Variants in RAMP1 observed in about 807,000 individuals in gnomAD.
RAMP1 encodes the protein receptor activity-modifying protein 1.
Under a neutral mutation model 8.2 loss-of-function variants are expected in RAMP1, and 7 were observed. The ratio of observed to expected loss-of-function variants is 0.85; its 90% CI spans 0.49 to 1.60. The LOEUF (loss-of-function observed/expected upper bound fraction) is 1.60, where lower values mean the gene tolerates loss of function less well. RAMP1 is among the 40% of genes most tolerant of loss of function. The pLI is 0.00. For missense variants in RAMP1, 192 were observed against 202.4 expected, an observed-to-expected ratio of 0.95 and a Z score of 0.31; for synonymous variants, 92 against 84.7, an observed-to-expected ratio of 1.09 and a Z score of -0.47.
rs1182417592 is a variant in RAMP1, at chr2:237,865,276, G to GGGAGGGGAGAGCAGGGGAGAGGAGA, written c.52+5559_52+5583dup. ...GGCAGGGGAGAAGAGAGGAGAGGAG[G>GGGAGGGGAGAGCAGGGGAGAGGAGA]GGAGGGGAGAGCAGGGGAGAGGAGA... On this transcript the variant is annotated intron_variant, in intron 1 of 2. Coordinates refer to ENST00000254661, the MANE Select transcript of RAMP1 (RefSeq NM_005855.4). The surrounding 1 kb of genome is among the most constrained non-coding windows in gnomAD (Gnocchi z 4.2). Among the ~76,000 whole-genome samples the GGGAGGGGAGAGCAGGGGAGAGGAGA allele has an allele frequency of 4.2e-5, 6 of 142,918 alleles. No homozygotes were observed. Among genetic ancestry groups the GGGAGGGGAGAGCAGGGGAGAGGAGA allele is most frequent in the Non-Finnish European group, 6.2e-5 (4 of 64,988 alleles). The allele number at this position is 142,918 out of a possible 152,430, so 93.8% of individuals were successfully genotyped here. A position where few individuals can be genotyped will look rare whatever the true frequency, so the allele number is the denominator to read the frequency against.
At chr2:237,866,296 G>A (rs1170659666) in intron 1 of RAMP1, among the ~76,000 whole-genome samples, 6 of 152,116 alleles carry the variant, frequency 3.9e-5, no homozygotes. Flanking sequence ...GCTGGGCTAA[G>A]AGGAAGCTCC....
intron 1 of RAMP1, among the ~76,000 whole-genome samples, chr2:237,872,330 C>T (rs568309264): frequency 6.6e-6 from 1 of 152,206 alleles, no homozygotes; most frequent in Non-Finnish European, 1.5e-5. Context: ...ATGATGGCCA[C>T]ACATCCACTC....
At chr2:237,885,014 C>T (rs894413951) in intron 2 of RAMP1, among the ~76,000 whole-genome samples, 12 of 152,364 alleles carry the variant, frequency 7.9e-5, no homozygotes, top group East Asian at 1.9e-4. Flanking sequence ...TGGCCAGCGC[C>T]AGGCATGACG....
At chr2:237,906,440 C>T (rs2062652405) in intron 2 of RAMP1, among the ~76,000 whole-genome samples, 1 of 152,060 alleles carries the variant, frequency 6.6e-6, no homozygotes, top group Non-Finnish European at 1.5e-5. Context: ...CGGAGAGGCC[C>T]CTACTTTTTC....
intron 1 of RAMP1, chr2:237,874,787 T>G: frequency 2.4e-6 from 2 of 836,722 alleles, no homozygotes; most frequent in Non-Finnish European, 2.9e-6. Flanking sequence ...CAGAAAGGAG[T>G]AGGAGATGAG....
intron 2 of RAMP1, among the ~76,000 whole-genome samples, chr2:237,879,597 GTC>G (rs1395551123): frequency 9.0e-3 from 1,065 of 118,188 alleles, no homozygotes; most frequent in African/African-American, 0.035. Flanking sequence ...CCATTAACTC[GTC>G]ATTTAATGGG....
chr2:237,893,794 T>C (rs1254113715), intron 2 of RAMP1, among the ~76,000 whole-genome samples: 1 of 151,792 alleles, frequency 6.6e-6, no homozygotes, highest in African/African-American at 2.4e-5. Context: ...CAAAAATCAG[T>C]TGGGCGTGGT....
chr2:237,883,983 T>A (rs1226788439), intron 2 of RAMP1, among the ~76,000 whole-genome samples: 1 of 144,818 alleles, frequency 6.9e-6, no homozygotes, highest in Non-Finnish European at 1.5e-5. Flanking sequence ...GGACCTTGGC[T>A]GCCCGGCATG....
At position 237,878,189 on chromosome 2, in the gene RAMP1, T is replaced by C. The variant is rs1162814993; in HGVS notation, c.191+827T>C. The C allele has an allele frequency of 4.1e-6, 4 of 983,844 alleles. No homozygotes were observed. The highest frequency in any genetic ancestry group is 4.8e-6 in the Non-Finnish European group (4 of 828,588). 60.9% of individuals were successfully genotyped at this position (983,844 alleles called of 1,614,324 possible). The stretch of plus-strand genomic sequence containing the variant: ...CATGCAAACTTCGCACAGAGATCTG[T>C]CTGTGGGTTCACAGCGCAGCGCAAG... On this transcript the variant is annotated intron_variant, in intron 2 of 2. Transcript: ENST00000254661. This position sits in a 1 kb window ranked among gnomAD's most constrained non-coding sequence, Gnocchi z 5.7.
At chr2:237,909,142 A>C (rs2062682864) in intron 2 of RAMP1, among the ~76,000 whole-genome samples, 1 of 152,120 alleles carries the variant, frequency 6.6e-6, no homozygotes, top group Admixed American at 6.5e-5. Flanking sequence ...ACCCCCAGTG[A>C]GTGCAACTTG....
chr2:237,911,959 G>GC lies in RAMP1; in HGVS notation c.*182dup, dbSNP rs1183420518. ...CCGAGGCTCTGGTATTAACCTGGAAGCCCCCCTGGCTGGAGGCCACCGCCA... is the reference window on the plus strand; with the variant it reads ...CCGAGGCTCTGGTATTAACCTGGAAGCCCCCCCTGGCTGGAGGCCACCGCCA... On this transcript the variant is annotated 3_prime_UTR_variant, in exon 3 of 3. Transcript: ENST00000254661. 9 of 1,146,606 alleles carry GC rather than the reference G, an allele frequency of 7.8e-6. No individual in the cohort carries two copies. In the Admixed American group the frequency reaches 8.7e-5, roughly 11 times the overall value. The allele number at this position is 1,146,606 out of a possible 1,614,324, so 71.0% of individuals were successfully genotyped here. A position where few individuals can be genotyped will look rare whatever the true frequency, so the allele number is the denominator to read the frequency against.
intron 2 of RAMP1, among the ~76,000 whole-genome samples, chr2:237,898,481 C>G (rs1185928057): frequency 6.6e-6 from 1 of 152,162 alleles, no homozygotes; most frequent in Non-Finnish European, 1.5e-5. Flanking sequence ...TGGGAGCAGC[C>G]ACTCACCCGT....
At chr2:237,871,041 G>C (rs77844173) in intron 1 of RAMP1, among the ~76,000 whole-genome samples, 17,072 of 152,238 alleles carry the variant, frequency 0.11, 1,141 homozygotes, top group Middle Eastern at 0.29. Flanking sequence ...AGGCTTTGGC[G>C]GGGTAAGCGG....
At chr2:237,874,765 G>T (rs2062282571) in intron 1 of RAMP1, 2 of 909,160 alleles carry the variant, frequency 2.2e-6, no homozygotes, top group South Asian at 5.1e-5. Context: ...GCTGCTGGGT[G>T]CCAGCGTGAG....
intron 1 of RAMP1, among the ~76,000 whole-genome samples, chr2:237,874,337 C>T (rs182933029): frequency 5.3e-5 from 8 of 152,348 alleles, no homozygotes; most frequent in African/African-American, 1.2e-4. Flanking sequence ...CACCTGCATT[C>T]GCTTCACTTG....
In RAMP1 at chr2:237,865,529, G is replaced by A. The variant is rs1047330401; in HGVS notation, c.52+5802G>A. Among the ~76,000 whole-genome samples, 2 of 152,136 alleles carry A rather than the reference G, an allele frequency of 1.3e-5. No homozygotes were observed. The highest frequency in any genetic ancestry group is 4.8e-5 in the African/African-American group (2 of 41,412). On this transcript the variant is annotated intron_variant, in intron 1 of 2. Coordinates refer to ENST00000254661, the MANE Select transcript of RAMP1 (RefSeq NM_005855.4). The surrounding 1 kb of genome is among the most constrained non-coding windows in gnomAD (Gnocchi z 4.2). ...GTTTCTCTGAGATGCAGATTTCGCA[G>A]GGCCTCCTGTCATTTGCTGCACCTG...
chr2:237,867,670 G>A (rs1392901823), intron 1 of RAMP1, among the ~76,000 whole-genome samples: 3 of 152,196 alleles, frequency 2.0e-5, no homozygotes, highest in Non-Finnish European at 2.9e-5. Flanking sequence ...CAGAGGCTGC[G>A]AACCTACCGT....
At chr2:237,864,461 T>A (rs1460251057) in intron 1 of RAMP1, among the ~76,000 whole-genome samples, 2 of 152,210 alleles carry the variant, frequency 1.3e-5, no homozygotes, top group Non-Finnish European at 2.9e-5. Context: ...TTCTTGCCTC[T>A]GGAGGAGACA....
At position 237,877,075 on chromosome 2, in the gene RAMP1, G is replaced by A. The variant is rs540401219; in HGVS notation, c.53-149G>A. Reference sequence around the variant, plus strand: ...GGTCACAGAACAATTGATGAAGAGCGTCCACTTGGAGCCACAGTCGCCCTC... The same window carrying A: ...GGTCACAGAACAATTGATGAAGAGCATCCACTTGGAGCCACAGTCGCCCTC... On this transcript the variant is annotated intron_variant, in intron 1 of 2. Transcript: ENST00000254661. This position sits in a 1 kb window ranked among gnomAD's most constrained non-coding sequence, Gnocchi z 4.4. The A allele has an allele frequency of 3.4e-4, 317 of 942,792 alleles. 1 individual carries two copies. Among genetic ancestry groups the A allele is most frequent in the East Asian group, 7.0e-4 (28 of 39,890 alleles). The allele number at this position is 942,792 out of a possible 1,614,324, so 58.4% of individuals were successfully genotyped here.
Sources: allele counts gnomAD v4.1 joint callset (sites outside exome capture counted in the v4.1 genomes callset), GRCh38; gene constraint gnomAD v4.1.1; non-coding constraint Gnocchi (gnomAD v3.1); transcripts MANE v1.5; gene names NCBI Gene and HGNC (gene_info 2026-07-23, HGNC 2026-07-21).